Variants in SMARCAL1 observed in about 807,000 individuals in gnomAD.
The protein encoded by SMARCAL1 is ATP-driven annealing helicase.
A neutral mutation model predicts 94.5 loss-of-function variants in SMARCAL1; 58 were observed. That is an observed-to-expected ratio of 0.61 (90% CI 0.50 to 0.76). The LOEUF (loss-of-function observed/expected upper bound fraction) is 0.76. SMARCAL1 is among the 30% of genes least tolerant of loss of function. The pLI, the probability that SMARCAL1 is intolerant of heterozygous loss-of-function variation, is 0.00. For missense variants in SMARCAL1, 1,051 were observed against 1,177.9 expected (o/e 0.89, Z 1.58); for synonymous variants, 422 against 455.1 (o/e 0.93, Z 0.93).
intron 8 of SMARCAL1, among the ~76,000 whole-genome samples, chr2:216,433,550 G>A (rs1031101345): frequency 2.6e-5 from 4 of 152,146 alleles, no homozygotes; most frequent in African/African-American, 9.7e-5. Flanking sequence ...TCTTGATGTG[G>A]CATCTTCTGA....
intron 8 of SMARCAL1, 129 bp from the exon 9 acceptor site, chr2:216,435,209 A>G (rs1694055118): frequency 1.0e-6 from 1 of 959,860 alleles, no homozygotes; most frequent in South Asian, 1.5e-5. Flanking sequence ...GTGGCAAGTG[A>G]AGGGGCACAG....
Position 216,451,107 on chromosome 2 carries a change from A to T in SMARCAL1, c.2070+43A>T, listed in dbSNP as rs78230573. ...GACAGATTTGGAAGCAGACATGTCT[A>T]GGTGTTCCTTTCCATGAGAGGCCCT... On this transcript the variant is annotated intron_variant, in intron 12 of 17. Transcript: ENST00000357276. The T allele has an allele frequency of 2.9e-3, 4,421 of 1,519,366 alleles. 115 individuals are homozygous for T. In the African/African-American group the frequency reaches 0.053, roughly 18 times the overall value. The allele number at this position is 1,519,366 out of a possible 1,614,324, so 94.1% of individuals were successfully genotyped here.
Position 216,468,040 on chromosome 2 carries a change from G to A in SMARCAL1, c.2238G>A (p.Glu746=), listed in dbSNP as rs1191687480. The change falls in exon 14 of 18, where the codon GAG becomes GAA. Residue 746 remains glutamate, a synonymous_variant. Transcript: ENST00000357276. ...TGGACGCAATTACGCAAGAGCTTGA[G>A]AGAAAGGTGAGCTCCCTTTGAAATT... The part of the protein sequence containing the change: ...VVLDAITQEL[E]RKHVQHIRID... 2 of 1,609,382 alleles carry A rather than the reference G, an allele frequency of 1.2e-6. No individual in the cohort carries two copies. The highest frequency in any genetic ancestry group is 8.5e-7 in the Non-Finnish European group (1 of 1,175,690).
Position 216,464,661 on chromosome 2 carries a change from C to A in SMARCAL1, c.2135C>A (p.Ser712Tyr). ...FNRTAEAKIP[S>Y]VIEYILDLLE... is the part of the protein sequence containing the mutation. The stretch of plus-strand genomic sequence containing the variant: ...AGAACAGCTGAAGCTAAAATCCCAT[C>A]TGTCATGTAAGTGGTCACTAAGTGT... The change falls in exon 13 of 18, where the codon TCT becomes TAT. Residue 712 changes from serine to tyrosine, a missense_variant. Physicochemically the swap from Ser to Tyr is moderately radical, Grantham distance 144. Around this residue, in one of 3 missense-constraint regions of SMARCAL1, gnomAD observed 642 missense variants for 754.7 expected, o/e 0.85. Transcript: ENST00000357276. 6.2e-7 allele frequency: 1 copy of A among 1,607,124 alleles called. No individual in the cohort carries two copies. The highest frequency in any genetic ancestry group is 8.5e-7 in the Non-Finnish European group (1 of 1,175,298).
rs770567065 is a variant in SMARCAL1 at position 216,482,800 on chromosome 2, T to TA, written c.2689dup (p.Met897AsnfsTer11). 6.2e-7 allele frequency: 1 copy of TA among 1,614,140 alleles called. No homozygotes were observed. The highest frequency in any genetic ancestry group is 1.1e-5 in the South Asian group (1 of 91,074). The stretch of plus-strand genomic sequence containing the variant: ...AGTCCTTTGAGAAAGAAGGAAGTGA[T>TA]ATGGAGCTCCTGGAAGCAGCAGAGT... On this transcript the variant is annotated frameshift_variant, in exon 18 of 18. Transcript: ENST00000357276. LOFTEE classifies it high-confidence loss of function. The surrounding 1 kb of genome is among the most constrained non-coding windows in gnomAD (Gnocchi z 4.3).
intron 7 of SMARCAL1, among the ~76,000 whole-genome samples, chr2:216,431,468 CA>C (rs1207532237): frequency 2.6e-5 from 4 of 152,176 alleles, no homozygotes; most frequent in Admixed American, 2.0e-4. Flanking sequence ...GCGACACGAG[CA>C]AGTCATTTTT....
rs775174025 is a variant in SMARCAL1, at chr2:216,423,701, C to G, written c.1147+18C>G. 21 of 1,599,554 alleles carry G rather than the reference C, an allele frequency of 1.3e-5. No individual in the cohort carries two copies. Among genetic ancestry groups the G allele is most frequent in the South Asian group, 7.7e-5 (7 of 90,736 alleles). Reference sequence around the variant, plus strand: ...TAAACTAAGTGAGAAGCCTTCCTTACTTGTTTTATATCATGCTATTGTTAA... The same window carrying G: ...TAAACTAAGTGAGAAGCCTTCCTTAGTTGTTTTATATCATGCTATTGTTAA... On this transcript the variant is annotated intron_variant, in intron 6 of 17. Coordinates refer to ENST00000357276, the MANE Select transcript of SMARCAL1 (RefSeq NM_014140.4).
rs112133871 is a variant in SMARCAL1, at chr2:216,420,646, C to A, written c.1096+114C>A. The A allele has an allele frequency of 5.0e-5, 39 of 787,566 alleles. No individual in the cohort carries two copies. In the African/African-American group the frequency reaches 5.2e-4, roughly 11 times the overall value. 48.8% of individuals were successfully genotyped at this position (787,566 alleles called of 1,614,324 possible). ...AAATTACTTTCTTGGGAAAGACTTC[C>A]TGTTCTGCTCCTCTTCCTATAGAAA... On this transcript the variant is annotated intron_variant, in intron 5 of 17. Coordinates refer to ENST00000357276, the MANE Select transcript of SMARCAL1 (RefSeq NM_014140.4).
chr2:216,463,495 A>G (rs1476908555), intron 12 of SMARCAL1, among the ~76,000 whole-genome samples: 1 of 152,086 alleles, frequency 6.6e-6, no homozygotes, highest in Non-Finnish European at 1.5e-5. Flanking sequence ...TGCACTGGAA[A>G]TTAAGTTTCA....
chr2:216,473,662 G>T (rs1695011962), intron 14 of SMARCAL1, among the ~76,000 whole-genome samples: 1 of 151,962 alleles, frequency 6.6e-6, no homozygotes, highest in Non-Finnish European at 1.5e-5. Flanking sequence ...TTATTTAAAA[G>T]ATATATATAC....
intron 12 of SMARCAL1, among the ~76,000 whole-genome samples, chr2:216,461,669 A>G (rs1333145615): frequency 6.6e-6 from 1 of 152,120 alleles, no homozygotes; most frequent in Non-Finnish European, 1.5e-5. Context: ...CTCTACAAAA[A>G]ATCCAAAAAA....
chr2:216,439,910 A>C (rs1694161479), intron 10 of SMARCAL1, among the ~76,000 whole-genome samples: 1 of 152,116 alleles, frequency 6.6e-6, no homozygotes, highest in African/African-American at 2.4e-5. Flanking sequence ...AAAAATACAA[A>C]AATGAGCCAG....
intron 14 of SMARCAL1, among the ~76,000 whole-genome samples, chr2:216,469,693 C>T (rs990740938): frequency 2.0e-5 from 3 of 152,140 alleles, no homozygotes; most frequent in African/African-American, 7.2e-5. Flanking sequence ...ATGTTTGTAT[C>T]TATGCATTTC....
At chr2:216,442,400 C>G (rs924448039) in intron 10 of SMARCAL1, among the ~76,000 whole-genome samples, 6 of 132,562 alleles carry the variant, frequency 4.5e-5, no homozygotes, top group Non-Finnish European at 9.2e-5. Context: ...CTGAGCAACA[C>G]AGCTAGACTC....
rs745349150 is a variant in SMARCAL1, at chr2:216,475,365, G to C, written c.2341G>C (p.Val781Leu). 1.2e-5 allele frequency: 20 copies of C among 1,614,194 alleles called. No individual in the cohort carries two copies. The highest frequency in any genetic ancestry group is 3.3e-4 in the Middle Eastern group (2 of 6,062). Reference protein sequence around the residue: ...FQLSERHAVAVLSITAANMGL... With the variant: ...FQLSERHAVALLSITAANMGL... ...ACTGTCGGAGAGGCATGCTGTGGCC[G>C]TGCTGTCCATCACCGCTGCCAATAT... Residue 781 changes from valine (V) to leucine (L), a missense_variant, in exon 15 of 18, where the codon GTG (valine) becomes CTG (leucine). By Grantham distance (32) the Val-to-Leu change is conservative. Around this residue, in one of 3 missense-constraint regions of SMARCAL1, gnomAD observed 642 missense variants for 754.7 expected, o/e 0.85. Coordinates refer to ENST00000357276, the MANE Select transcript of SMARCAL1 (RefSeq NM_014140.4). The surrounding 1 kb of genome is among the most constrained non-coding windows in gnomAD (Gnocchi z 4.4).
intron 11 of SMARCAL1, among the ~76,000 whole-genome samples, chr2:216,450,134 G>A (rs1335748381): frequency 6.6e-6 from 1 of 152,182 alleles, no homozygotes; most frequent in Non-Finnish European, 1.5e-5. Context: ...ACAGGCGTGA[G>A]CCACTGCGTC....
At chr2:216,481,581 G>A (rs1695201908) in intron 17 of SMARCAL1, among the ~76,000 whole-genome samples, 2 of 151,900 alleles carry the variant, frequency 1.3e-5, no homozygotes, top group Non-Finnish European at 1.5e-5. Flanking sequence ...ATGGCTCACT[G>A]CAACCTCTGC....
At position 216,438,313 on chromosome 2, in the gene SMARCAL1, G is replaced by A. The variant is rs1694121096; in HGVS notation, c.1645-107G>A. 4.4e-6 allele frequency: 4 copies of A among 909,970 alleles called. No homozygotes were observed. In the East Asian group the frequency reaches 1.0e-4, roughly 23 times the overall value. 56.4% of individuals were successfully genotyped at this position (909,970 alleles called of 1,614,324 possible). A position where few individuals can be genotyped will look rare whatever the true frequency, so the allele number is the denominator to read the frequency against. On this transcript the variant is annotated intron_variant, in intron 9 of 17. Coordinates refer to ENST00000357276, the MANE Select transcript of SMARCAL1 (RefSeq NM_014140.4). The stretch of plus-strand genomic sequence containing the variant: ...TCTCCTTGAATGAGAAAGTGCTAAG[G>A]GAGCATCCACCTTGCACTTGCCATG...
intron 12 of SMARCAL1, 135 bp downstream of exon 12, chr2:216,451,199 C>G (rs1243210421): frequency 3.9e-6 from 3 of 760,708 alleles, no homozygotes; most frequent in Non-Finnish European, 4.6e-6. Flanking sequence ...TAGGCAAGAA[C>G]AGCAAGTCCA....
Sources: allele counts gnomAD v4.1 joint callset (sites outside exome capture counted in the v4.1 genomes callset), GRCh38; gene constraint gnomAD v4.1.1; regional missense constraint gnomAD v4.1.1; non-coding constraint Gnocchi (gnomAD v3.1); transcripts MANE v1.5; gene names NCBI Gene and HGNC (gene_info 2026-07-23, HGNC 2026-07-21).